The following SCRN1 variants were observed in gnomAD, a reference collection of about 807,000 sequenced individuals.
SCRN1 encodes secernin 1.
In SCRN1, 19 loss-of-function variants were observed where a neutral mutation model predicts 43.3. The ratio of observed to expected loss-of-function variants is 0.44; its 90% CI spans 0.31 to 0.64. The LOEUF is 0.64. Ranked by LOEUF, SCRN1 falls within the 30% of genes least tolerant of loss-of-function variation. The pLI is 0.09. For synonymous variants in SCRN1, 183 were observed against 188.9 expected (o/e 0.97, Z 0.26); for missense variants, 447 against 524.1 (o/e 0.85, Z 1.44).
In SCRN1 at chr7:29,923,937, G is replaced by C. The variant is rs559196897; in HGVS notation, c.*20C>G. On this transcript the variant is annotated 3_prime_UTR_variant, in exon 8 of 8. Coordinates refer to ENST00000242059, the MANE Select transcript of SCRN1 (RefSeq NM_014766.5). ...TAAGGTGGGAAGTCTTAAATAAGAA[G>C]GGGAAAGGGAACGCTTACTTCACTT... is the stretch of plus-strand genomic sequence containing the variant. 4.7e-4 allele frequency: 754 copies of C among 1,593,500 alleles called. 12 individuals are homozygous for C. In the South Asian group the frequency reaches 8.2e-3, roughly 17 times the overall value.
intron 1 of SCRN1, among the ~76,000 whole-genome samples, chr7:29,977,965 T>C (rs1321024771): frequency 6.6e-6 from 1 of 152,222 alleles, no homozygotes; most frequent in Admixed American, 6.5e-5. Context: ...TCAAAGCCTA[T>C]CTGTTCAGAC....
intron 1 of SCRN1, among the ~76,000 whole-genome samples, chr7:29,979,312 G>A (rs1043386678): frequency 2.0e-5 from 3 of 152,048 alleles, no homozygotes; most frequent in African/African-American, 4.8e-5. Context: ...GCAGTGAGCC[G>A]AGATCACGCC....
At chr7:29,961,806 G>A (rs1380722290) in intron 2 of SCRN1, among the ~76,000 whole-genome samples, 1 of 149,286 alleles carries the variant, frequency 6.7e-6, no homozygotes, top group Admixed American at 6.6e-5. Flanking sequence ...CCCGGACGGA[G>A]CGGCTGGCCG....
intron 6 of SCRN1, 68 bp from the exon 7 acceptor site, chr7:29,926,700 T>C: frequency 6.9e-7 from 1 of 1,456,214 alleles, no homozygotes. Flanking sequence ...GAGACTGTCC[T>C]TTTATTCAGC....
chr7:29,954,442 G>T (rs1262096657), intron 3 of SCRN1, among the ~76,000 whole-genome samples: 1 of 151,926 alleles, frequency 6.6e-6, no homozygotes, highest in Non-Finnish European at 1.5e-5. Flanking sequence ...ACAATCTAAG[G>T]TTTAGAACAT....
rs986577281 is a variant in SCRN1, at chr7:29,923,740, G to A, written c.*217C>T. ...GTCACACAACCGAACAACAGGCAAC[G>A]GGATACATGTTACACTGCACAGGAA... On this transcript the variant is annotated 3_prime_UTR_variant, in exon 8 of 8. Coordinates refer to ENST00000242059, the MANE Select transcript of SCRN1 (RefSeq NM_014766.5). 4.4e-5 allele frequency: 22 copies of A among 497,624 alleles called. No individual in the cohort carries two copies. The highest frequency in any genetic ancestry group is 3.6e-4 in the African/African-American group (19 of 52,286). 30.8% of individuals were successfully genotyped at this position (497,624 alleles called of 1,614,324 possible).
At chr7:29,926,866 C>T (rs1327775055) in intron 6 of SCRN1, among the ~76,000 whole-genome samples, 1 of 152,136 alleles carries the variant, frequency 6.6e-6, no homozygotes, top group Non-Finnish European at 1.5e-5. Context: ...AGCAAAGAGA[C>T]ATCAAAACAG....
intron 1 of SCRN1, among the ~76,000 whole-genome samples, chr7:29,979,693 C>A (rs571542376): frequency 6.6e-6 from 1 of 152,164 alleles, no homozygotes; most frequent in Admixed American, 6.5e-5. Flanking sequence ...GCACATCTAT[C>A]ATGTAAGAAC....
At chr7:29,949,737 C>T (rs1787855843) in intron 3 of SCRN1, among the ~76,000 whole-genome samples, 1 of 152,144 alleles carries the variant, frequency 6.6e-6, no homozygotes, top group East Asian at 1.9e-4. Flanking sequence ...TGCAGTAGTG[C>T]AATCATGGTT....
At chr7:29,957,793 C>G (rs939489158) in intron 2 of SCRN1, among the ~76,000 whole-genome samples, 11 of 152,146 alleles carry the variant, frequency 7.2e-5, no homozygotes, top group Non-Finnish European at 1.6e-4. Flanking sequence ...GTACTCCAGA[C>G]AGAGCTAAGG....
At chr7:29,939,125 T>C (rs1362579906) in intron 5 of SCRN1, among the ~76,000 whole-genome samples, 1 of 152,182 alleles carries the variant, frequency 6.6e-6, no homozygotes, top group African/African-American at 2.4e-5. Flanking sequence ...AGTATTTTCT[T>C]ACCTTCCTAC....
chr7:29,923,077 C>T lies in SCRN1; in HGVS notation c.*880G>A, dbSNP rs1038535501. The T allele has an allele frequency of 1.2e-4, 18 of 152,172 alleles. No homozygotes were observed. The highest frequency in any genetic ancestry group is 4.1e-4 in the African/African-American group (17 of 41,436). 9.4% of individuals were successfully genotyped at this position (152,172 alleles called of 1,614,324 possible). A position where few individuals can be genotyped will look rare whatever the true frequency, so the allele number is the denominator to read the frequency against. On this transcript the variant is annotated 3_prime_UTR_variant, in exon 8 of 8. Transcript: ENST00000242059. ...TGTGGGTGGAACTGTGCCATAGGGC[C>T]ATTCAATTACTCCTAGACTAGCTGT...
chr7:29,952,683 TA>T (rs34125711), intron 3 of SCRN1, among the ~76,000 whole-genome samples: 114 of 108,558 alleles, frequency 1.1e-3, no homozygotes, highest in African/African-American at 2.3e-3. Flanking sequence ...AAGACTTGTC[TA>T]AAAAAAAAAA....
intron 2 of SCRN1, among the ~76,000 whole-genome samples, chr7:29,967,203 A>G (rs1485039303): frequency 6.6e-6 from 1 of 152,004 alleles, no homozygotes; most frequent in African/African-American, 2.4e-5. Context: ...ACACACAAAC[A>G]CACACAGGTA....
At chr7:29,971,853 G>A (rs189954298) in intron 1 of SCRN1, among the ~76,000 whole-genome samples, 95 of 152,174 alleles carry the variant, frequency 6.2e-4, no homozygotes, top group Non-Finnish European at 7.4e-5. Context: ...ATTTCTACAT[G>A]CACACTCAGA....
At chr7:29,966,858 C>G (rs1207327328) in intron 2 of SCRN1, among the ~76,000 whole-genome samples, 1 of 152,132 alleles carries the variant, frequency 6.6e-6, no homozygotes, top group Non-Finnish European at 1.5e-5. Context: ...GTAAAGTAAG[C>G]AGCCCCTCAT....
chr7:29,962,763 T>TTATGAAC (rs1163692010), intron 2 of SCRN1, among the ~76,000 whole-genome samples: 1 of 152,206 alleles, frequency 6.6e-6, no homozygotes, highest in Admixed American at 6.5e-5. Flanking sequence ...AGATGGGTTT[T>TTATGAAC]TATGAAAAGT....
intron 6 of SCRN1, among the ~76,000 whole-genome samples, chr7:29,926,970 C>A (rs1488347887): frequency 1.3e-5 from 2 of 151,194 alleles, no homozygotes; most frequent in Non-Finnish European, 2.9e-5. Flanking sequence ...AAGGAGCCAT[C>A]TAGCTGAGCG....
intron 2 of SCRN1, among the ~76,000 whole-genome samples, chr7:29,962,756 T>C (rs1397755433): frequency 6.6e-6 from 1 of 152,084 alleles, no homozygotes; most frequent in African/African-American, 2.4e-5. Flanking sequence ...GAGGAATAGA[T>C]GGGTTTTTAT....
Sources: gnomAD v4.1 joint callset for allele counts (sites outside exome capture counted in the v4.1 genomes callset) on GRCh38, gnomAD v4.1.1 for gene constraint, MANE v1.5 for transcripts, NCBI Gene and HGNC (gene_info 2026-07-23, HGNC 2026-07-21) for gene names.